Variants in TSR1 observed in about 807,000 individuals in gnomAD.
TSR1 encodes TSR1 ribosome maturation factor.
TSR1 carries 81 observed loss-of-function variants against 90.9 expected under a neutral mutation model. The observed-to-expected ratio is 0.89, with a 90% CI of 0.74 to 1.07. The LOEUF is 1.07. Ranked by LOEUF, TSR1 falls within the 50% of genes least tolerant of loss-of-function variation. The probability of loss-of-function intolerance (pLI) is 0.00; values close to 1 mark genes in which losing one functional copy is unlikely to be tolerated. For missense variants in TSR1, 989 were observed against 987.3 expected (o/e 1.00, Z -0.02); for synonymous variants, 362 against 348.8 (o/e 1.04, Z -0.42).
In TSR1 at chr17:2,323,583, C is replaced by G. The variant is rs2075552927; in HGVS notation, c.*613G>C. ...AGAAAATTCAAACTGGACACGTATTCTCATCTGAACTTTATAGGTAAACCA... is the reference window on the plus strand; with the variant it reads ...AGAAAATTCAAACTGGACACGTATTGTCATCTGAACTTTATAGGTAAACCA... On this transcript the variant is annotated 3_prime_UTR_variant, in exon 15 of 15. Coordinates refer to ENST00000301364, the MANE Select transcript of TSR1 (RefSeq NM_018128.5). 6.7e-7 allele frequency: 1 copy of G among 1,492,006 alleles called. No homozygotes were observed. Among genetic ancestry groups the G allele is most frequent in the African/African-American group, 1.4e-5 (1 of 72,700 alleles). The allele number at this position is 1,492,006 out of a possible 1,614,324, so 92.4% of individuals were successfully genotyped here. A position where few individuals can be genotyped will look rare whatever the true frequency, so the allele number is the denominator to read the frequency against.
In TSR1 at chr17:2,324,738, G is replaced by C. The variant is rs767333790; in HGVS notation, c.2112C>G (p.Phe704Leu). Residue 704 changes from phenylalanine to leucine, a missense_variant, in exon 13 of 15, where the codon TTC becomes TTG. Physicochemically the swap from Phe to Leu is conservative, Grantham distance 22. Transcript: ENST00000301364. The part of the protein sequence containing the change: ...IKRVVLSGHP[F>L]KIFTKMAVVR... ...CTACTGCCATCTTAGTAAAAATTTT[G>C]AAAGGATGACCACTCAGAACAACTC... is the stretch of plus-strand genomic sequence containing the variant. The C allele has an allele frequency of 3.1e-6, 5 of 1,614,146 alleles. No individual in the cohort carries two copies. Among genetic ancestry groups the C allele is most frequent in the Non-Finnish European group, 4.2e-6 (5 of 1,180,026 alleles).
Position 2,332,239 on chromosome 17 carries a change from T to C in TSR1, c.1426A>G (p.Lys476Glu), listed in dbSNP as rs2064010096. ...EAEAKMLEKY[K>E]QERLEEMFPD... ...AACATCTCTTCCAGTCTTTCTTGTT[T>C]ATATTTCTCCAACATTTTTGCCTCA... Residue 476 changes from lysine (K) to glutamate (E), a missense_variant, in exon 8 of 15, where the codon AAA (lysine) becomes GAA (glutamate). Lys to Glu is a moderately conservative substitution (Grantham distance 56). Transcript: ENST00000301364. 2.5e-6 allele frequency: 4 copies of C among 1,614,170 alleles called. No individual in the cohort carries two copies. Among genetic ancestry groups the C allele is most frequent in the Non-Finnish European group, 3.4e-6 (4 of 1,180,028 alleles).
At position 2,329,401 on chromosome 17, in the gene TSR1, T is replaced by C. The variant is rs759131601; in HGVS notation, c.1845A>G (p.Ile615Met). The C allele has an allele frequency of 7.4e-6, 12 of 1,614,008 alleles. No homozygotes were observed. The South Asian group carries it at 1.3e-4, about 18-fold the overall frequency. ...GGAAGCGCCTGAATCCACAGTGAAATATGAGCTCTTCCTTGGCTTTCACAG... is the reference window on the plus strand; with the variant it reads ...GGAAGCGCCTGAATCCACAGTGAAACATGAGCTCTTCCTTGGCTTTCACAG... ...TEPVKAKEEL[I>M]FHCGFRRFRA... The change falls in exon 11 of 15, where the codon ATA becomes ATG. Residue 615 changes from isoleucine to methionine, a missense_variant. By Grantham distance (10) the Ile-to-Met change is conservative. Coordinates refer to ENST00000301364, the MANE Select transcript of TSR1 (RefSeq NM_018128.5).
Position 2,332,196 on chromosome 17 carries a change from G to A in TSR1, c.1469C>T (p.Thr490Met), listed in dbSNP as rs778029161. 7.4e-6 allele frequency: 12 copies of A among 1,613,598 alleles called. No homozygotes were observed. The highest frequency in any genetic ancestry group is 3.3e-5 in the South Asian group (3 of 90,946). ...AATTCGAGCAGCCACATCACGGGGC[G>A]TGTCCACTTCATCTGGAAACATCTC... is the stretch of plus-strand genomic sequence containing the variant. ...LEEMFPDEVD[T>M]PRDVAARIRF... Residue 490 changes from threonine (T) to methionine (M), a missense_variant, in exon 8 of 15, where the codon ACG (threonine) becomes ATG (methionine). Coordinates refer to ENST00000301364, the MANE Select transcript of TSR1 (RefSeq NM_018128.5).
intron 8 of TSR1, 142 bp downstream of exon 8, chr17:2,332,027 G>T: frequency 1.2e-6 from 1 of 855,196 alleles, no homozygotes; most frequent in African/African-American, 1.7e-5. Flanking sequence ...TGTATGTCCT[G>T]CCTTCCCATA....
In TSR1 at chr17:2,329,376, G is replaced by A. The variant is rs143811242; in HGVS notation, c.1870C>T (p.Arg624Ter). Residue 624 changes from arginine (R) to a stop codon, truncating the protein, a stop_gained, in exon 11 of 15, where the codon CGA becomes TGA. Transcript: ENST00000301364. LOFTEE classifies it high-confidence loss of function. ...TGCTGAGAGAATAAAGGTGAGGCTC[G>A]GAAGCGCCTGAATCCACAGTGAAAT... ...LIFHCGFRRF[R>*]ASPLFSQHTA... 81 of 1,614,166 alleles carry A rather than the reference G, an allele frequency of 5.0e-5. No individual in the cohort carries two copies. The highest frequency in any genetic ancestry group is 6.3e-5 in the Non-Finnish European group (74 of 1,180,020).
chr17:2,326,753 C>T (rs1482753656), intron 11 of TSR1, among the ~76,000 whole-genome samples: 1 of 152,224 alleles, frequency 6.6e-6, no homozygotes, highest in Non-Finnish European at 1.5e-5. Flanking sequence ...CCTCTTGCCT[C>T]AGCCTCCCAA....
At chr17:2,330,924 A>T in intron 9 of TSR1, 23 bp downstream of exon 9, 1 of 1,556,440 alleles carries the variant, frequency 6.4e-7, no homozygotes, top group Non-Finnish European at 8.6e-7. Flanking sequence ...GCAACATACA[A>T]GATGAACAAG....
chr17:2,328,770 G>A (rs535568016), intron 11 of TSR1, among the ~76,000 whole-genome samples: 94 of 151,188 alleles, frequency 6.2e-4, no homozygotes, highest in African/African-American at 2.2e-3. Context: ...CAAAAAATTA[G>A]CTGGGCATGG....
Position 2,334,870 on chromosome 17 carries a change from G to A in TSR1, c.583C>T (p.Leu195Phe), listed in dbSNP as rs2064039147. The change falls in exon 5 of 15, where the codon CTC becomes TTC. Residue 195 changes from leucine (L) to phenylalanine (F), a missense_variant. Physicochemically the swap from Leu to Phe is conservative, Grantham distance 22 (BLOSUM62 0). Coordinates refer to ENST00000301364, the MANE Select transcript of TSR1 (RefSeq NM_018128.5). ...YTLAVQGISG[L>F]PLKKQIDTRK... ...GTATCTATTTGTTTCTTCAGTGGGAGGCCAGAAATCCCCTGGACAGCTAGT... is the reference window on the plus strand; with the variant it reads ...GTATCTATTTGTTTCTTCAGTGGGAAGCCAGAAATCCCCTGGACAGCTAGT... 1.2e-6 allele frequency: 2 copies of A among 1,612,822 alleles called. No individual in the cohort carries two copies. The highest frequency in any genetic ancestry group is 1.7e-6 in the Non-Finnish European group (2 of 1,179,516).
rs868840319 is a variant in TSR1, at chr17:2,333,086, G to A, written c.1180C>T (p.Pro394Ser). The A allele has an allele frequency of 6.2e-7, 1 of 1,613,984 alleles. No individual in the cohort carries two copies. The highest frequency in any genetic ancestry group is 8.5e-7 in the Non-Finnish European group (1 of 1,179,994). Residue 394 changes from proline (P) to serine (S), a missense_variant, in exon 7 of 15, where the codon CCC becomes TCC. Transcript: ENST00000301364. Reference protein sequence around the residue: ...KESSKVVKKVPKGTSSYQAEW... With the variant: ...KESSKVVKKVSKGTSSYQAEW... ...GCTTGGTAACTGGATGTTCCTTTGG[G>A]GACCTTCTTTACCACCTTAGAACTT... is the stretch of plus-strand genomic sequence containing the variant.
At chr17:2,326,831 G>A (rs1034405612) in intron 11 of TSR1, among the ~76,000 whole-genome samples, 8 of 152,160 alleles carry the variant, frequency 5.3e-5, no homozygotes, top group African/African-American at 1.4e-4. Context: ...TTGGCCGGGC[G>A]CAGTGGCTCA....
In TSR1 at chr17:2,330,993, T is replaced by C. The variant is rs763857234; in HGVS notation, c.1613A>G (p.Lys538Arg). ...TTCTTCAACCTCTTTAAAGATGCTTTTCCTAGTGTTAGTAAAGTTCTGAAA... is the reference window on the plus strand; with the variant it reads ...TTCTTCAACCTCTTTAAAGATGCTTCTCCTAGTGTTAGTAAAGTTCTGAAA... ...FQFQNFTNTRKSIFKEVEEKE... is the reference protein window; with the variant it reads ...FQFQNFTNTRRSIFKEVEEKE... Residue 538 changes from lysine (K) to arginine (R), a missense_variant, in exon 9 of 15, where the codon AAA (lysine) becomes AGA (arginine). Transcript: ENST00000301364. 1.2e-6 allele frequency: 2 copies of C among 1,607,050 alleles called. No homozygotes were observed. Among genetic ancestry groups the C allele is most frequent in the Non-Finnish European group, 1.7e-6 (2 of 1,178,388 alleles).
intron 12 of TSR1, 176 bp from the exon 13 acceptor site, chr17:2,325,005 G>C (rs1323113644): frequency 4.5e-6 from 3 of 671,992 alleles, no homozygotes; most frequent in Admixed American, 3.4e-5. Context: ...ATAGGTTCTT[G>C]AAAACTTGTA....
Position 2,332,254 on chromosome 17 carries a change from T to C in TSR1, c.1411A>G (p.Met471Val). ...CTTTCTTGTTTATATTTCTCCAACA[T>C]TTTTGCCTCAGCTTCTTCATCTACT... ...KKVDEEAEAK[M>V]LEKYKQERLE... is the part of the protein sequence containing the mutation. The change falls in exon 8 of 15, where the codon ATG (methionine) becomes GTG (valine). Residue 471 changes from methionine to valine, a missense_variant. By Grantham distance (21) the Met-to-Val change is conservative (BLOSUM62 1). Transcript: ENST00000301364. 1 of 1,614,166 alleles carries C rather than the reference T, an allele frequency of 6.2e-7. No individual in the cohort carries two copies. The highest frequency in any genetic ancestry group is 8.5e-7 in the Non-Finnish European group (1 of 1,180,028).
At chr17:2,325,737 T>G (rs562156940) in intron 11 of TSR1, among the ~76,000 whole-genome samples, 2 of 151,812 alleles carry the variant, frequency 1.3e-5, no homozygotes, top group South Asian at 4.2e-4. Context: ...CTCAGCCTCC[T>G]GAGTAGCTGG....
chr17:2,335,851 C>G, intron 2 of TSR1, 121 bp from the exon 3 acceptor site: 1 of 1,299,552 alleles, frequency 7.7e-7, no homozygotes, highest in South Asian at 1.4e-5. Flanking sequence ...TAAAAGACCA[C>G]AGGTATGCCA....
At chr17:2,331,543 C>T (rs1176243769) in intron 8 of TSR1, among the ~76,000 whole-genome samples, 1 of 151,844 alleles carries the variant, frequency 6.6e-6, no homozygotes, top group Non-Finnish European at 1.5e-5. Flanking sequence ...CTCGTTACTG[C>T]GCTGGCCGTG....
Position 2,327,308 on chromosome 17 carries a change from T to C in TSR1, c.1904-1888A>G, listed in dbSNP as rs1253363419. ...GGCAGACACCTATGGTCCGAGCTAC[T>C]TGGGAGGCTGAGGCGCCAGAATCAC... On this transcript the variant is annotated intron_variant, in intron 11 of 14. Coordinates refer to ENST00000301364, the MANE Select transcript of TSR1 (RefSeq NM_018128.5). Among the ~76,000 whole-genome samples the C allele has an allele frequency of 5.9e-5, 9 of 151,368 alleles. No homozygotes were observed. The Admixed American group carries it at 6.0e-4, about 10-fold the overall frequency.
Sources: gnomAD v4.1 joint callset for allele counts (sites outside exome capture counted in the v4.1 genomes callset) on GRCh38, gnomAD v4.1.1 for gene constraint, MANE v1.5 for transcripts, NCBI Gene and HGNC (gene_info 2026-07-23, HGNC 2026-07-21) for gene names.